Variants in NHSL2 observed in about 807,000 individuals in gnomAD.
The protein encoded by NHSL2 is NHS-like protein 2.
A neutral mutation model predicts 53.4 loss-of-function variants in NHSL2; 27 were observed. That is an observed-to-expected ratio of 0.51 (90% CI 0.37 to 0.70). NHSL2 has a LOEUF of 0.70. Among genes scored for constraint, NHSL2 ranks in the 30% least tolerant of loss-of-function variants. The probability of loss-of-function intolerance (pLI) is 0.00; values close to 1 mark genes in which losing one functional copy is unlikely to be tolerated. For synonymous variants in NHSL2, 408 were observed against 404.1 expected, an observed-to-expected ratio of 1.01 and a Z score of -0.12; for missense variants, 892 against 980.1, an observed-to-expected ratio of 0.91 and a Z score of 1.20.
intron 1 of NHSL2, among the ~76,000 whole-genome samples, chrX:72,006,648 G>A (rs1301742180): frequency 1.8e-5 from 2 of 112,382 alleles, no homozygotes; most frequent in Non-Finnish European, 3.8e-5. Context: ...AACCTGCTGG[G>A]CTCAAATGAG....
At chrX:72,068,061 A>T (rs777722316) in intron 1 of NHSL2, among the ~76,000 whole-genome samples, 1 of 111,829 alleles carries the variant, frequency 8.9e-6, no homozygotes, top group Non-Finnish European at 1.9e-5. Flanking sequence ...TAGACCTTCC[A>T]GACTGAAGAA....
At chrX:72,013,356 A>G (rs2042123464) in intron 1 of NHSL2, among the ~76,000 whole-genome samples, 1 of 112,022 alleles carries the variant, frequency 8.9e-6, no homozygotes, top group South Asian at 3.7e-4. Context: ...ATATAGAAAT[A>G]CAATTTATTT....
intron 1 of NHSL2, among the ~76,000 whole-genome samples, chrX:72,021,846 C>T (rs1438412345): frequency 9.0e-6 from 1 of 111,729 alleles, no homozygotes; most frequent in East Asian, 2.8e-4. Context: ...ACAGCCAAGG[C>T]TGTCATGGTG....
At chrX:72,141,557 C>T (rs546133116) in intron 6 of NHSL2, among the ~76,000 whole-genome samples, 9 of 111,713 alleles carry the variant, frequency 8.1e-5, no homozygotes, top group African/African-American at 2.9e-4. Context: ...TCCCTCCCCG[C>T]AGATTCCTCC....
At chrX:71,917,559 T>C (rs1456209698) in intron 1 of NHSL2, among the ~76,000 whole-genome samples, 4 of 110,225 alleles carry the variant, frequency 3.6e-5, no homozygotes, top group Non-Finnish European at 5.7e-5. Flanking sequence ...AGAACTAGGA[T>C]GCAGGCCCAC....
At chrX:71,988,135 C>T (rs1602296808) in intron 1 of NHSL2, among the ~76,000 whole-genome samples, 1 of 111,957 alleles carries the variant, frequency 8.9e-6, no homozygotes, top group Non-Finnish European at 1.9e-5. Flanking sequence ...AACATTGCTG[C>T]GGCAGGATGG....
intron 1 of NHSL2, among the ~76,000 whole-genome samples, chrX:72,032,509 C>A (rs778544293): frequency 1.8e-5 from 2 of 112,029 alleles, no homozygotes; most frequent in East Asian, 5.6e-4. Context: ...CCCTCATCAG[C>A]TAACCCCTGG....
At chrX:71,915,050 C>T (rs1037295814) in intron 1 of NHSL2, among the ~76,000 whole-genome samples, 1 of 111,114 alleles carries the variant, frequency 9.0e-6, no homozygotes, top group African/African-American at 3.3e-5. Context: ...TTTTAAATAC[C>T]ATGAAATTCC....
intron 1 of NHSL2, among the ~76,000 whole-genome samples, chrX:72,096,065 C>T (rs1048353826): frequency 6.4e-5 from 7 of 108,983 alleles, no homozygotes; most frequent in Non-Finnish European, 1.9e-5. Context: ...CCAAAGATCT[C>T]CTCATCCGAG....
intron 1 of NHSL2, among the ~76,000 whole-genome samples, chrX:72,125,103 C>T (rs992532534): frequency 2.7e-5 from 3 of 111,696 alleles, no homozygotes; most frequent in African/African-American, 9.8e-5. Context: ...TGTCAATTCA[C>T]ATCCTCAGAT....
chrX:72,113,348 T>C (rs2042108414), intron 1 of NHSL2, among the ~76,000 whole-genome samples: 1 of 111,183 alleles, frequency 9.0e-6, no homozygotes, highest in Non-Finnish European at 1.9e-5. Flanking sequence ...GTACACAGCT[T>C]GCCGACTCCC....
intron 1 of NHSL2, among the ~76,000 whole-genome samples, chrX:72,115,438 G>GGA (rs1236991448): frequency 3.4e-5 from 3 of 87,315 alleles, no homozygotes; most frequent in Non-Finnish European, 6.8e-5. Context: ...GGGCGGGGGG[G>GGA]GGGTGCGGGG....
intron 1 of NHSL2, among the ~76,000 whole-genome samples, chrX:71,990,213 T>C (rs969845363): frequency 8.9e-6 from 1 of 111,786 alleles, no homozygotes; most frequent in African/African-American, 3.3e-5. Flanking sequence ...GAATGGGATT[T>C]CCCCAGGGGT....
chrX:71,912,748 C>T (rs745967491), intron 1 of NHSL2, among the ~76,000 whole-genome samples: 2 of 112,220 alleles, frequency 1.8e-5, no homozygotes, highest in Non-Finnish European at 3.8e-5. Context: ...TGGGGTCCCA[C>T]TGATTACAGG....
At chrX:71,915,743 A>G (rs763859904) in intron 1 of NHSL2, among the ~76,000 whole-genome samples, 30 of 111,848 alleles carry the variant, frequency 2.7e-4, no homozygotes, top group Middle Eastern at 4.6e-3. Context: ...CCTAGAAGCC[A>G]TGCCTTCTGA....
Position 72,132,226 on chromosome X carries a change from T to A in NHSL2, c.428T>A (p.Leu143Gln), listed in dbSNP as rs1015051070. 8.6e-7 allele frequency: 1 copy of A among 1,157,138 alleles called. No homozygotes were observed. Among genetic ancestry groups the A allele is most frequent in the Admixed American group, 2.7e-5 (1 of 37,682 alleles). The change falls in exon 2 of 8, where the codon CTG (leucine) becomes CAG (glutamine). Residue 143 changes from leucine to glutamine, a missense_variant. Transcript: ENST00000633930. ...GAGGCGCAGCTCAATCTCCAGAGCC[T>A]GTTGCAAGGTACCGAGAGGGAGGGG... ...LREAQLNLQS[L>Q]LQEEYEEQYS...
chrX:72,055,526 C>T (rs979408821), intron 1 of NHSL2, among the ~76,000 whole-genome samples: 1 of 112,102 alleles, frequency 8.9e-6, no homozygotes, highest in African/African-American at 3.2e-5. Flanking sequence ...ATTATTTCCA[C>T]CTTGACTTAT....
chrX:72,068,638 G>A (rs1041663567), intron 1 of NHSL2, among the ~76,000 whole-genome samples: 12 of 100,677 alleles, frequency 1.2e-4, no homozygotes, highest in African/African-American at 2.5e-4. Flanking sequence ...GAGCGGCTGC[G>A]TAAGTGTGTC....
At chrX:72,044,885 C>T in intron 1 of NHSL2, 1 of 875,132 alleles carries the variant, frequency 1.1e-6, no homozygotes, top group Non-Finnish European at 1.7e-6. Flanking sequence ...CCACCAAAGC[C>T]CATGTAAGGA....
Sources: allele counts gnomAD v4.1 joint callset (sites outside exome capture counted in the v4.1 genomes callset), GRCh38; gene constraint gnomAD v4.1.1; transcripts MANE v1.5; gene names NCBI Gene and HGNC (gene_info 2026-07-23, HGNC 2026-07-21).